AUTS2: variants seen among roughly 807,000 people sequenced by gnomAD.
AUTS2 encodes the protein activator of transcription and developmental regulator AUTS2.
In AUTS2, 17 loss-of-function variants were observed where a neutral mutation model predicts 112.4. The ratio of observed to expected loss-of-function variants is 0.15; its 90% CI spans 0.10 to 0.23. AUTS2 has a LOEUF of 0.23. Ranked by LOEUF, AUTS2 falls within the 10% of genes least tolerant of loss-of-function variation. AUTS2 has a pLI of 1.00. For missense variants in AUTS2, 1,510 were observed against 1,701.6 expected (o/e 0.89, Z 1.98); for synonymous variants, 751 against 702.7 (o/e 1.07, Z -1.09).
rs371018882 is a variant in AUTS2, at chr7:70,653,831, A to G, written c.691-44738A>G. Among the ~76,000 whole-genome samples the G allele has an allele frequency of 1.2e-4, 19 of 152,314 alleles. No homozygotes were observed. In the South Asian group the frequency reaches 3.7e-3, roughly 30 times the overall value. ...GTGTTGGGCTCATGGGGACATTGTA[A>G]TCAGTTGTAAGCGGGTTGAAGTGAT... On this transcript the variant is annotated intron_variant, in intron 5 of 18. Coordinates refer to ENST00000342771, the MANE Select transcript of AUTS2 (RefSeq NM_015570.4).
At chr7:70,024,698 G>T (rs890464324) in intron 2 of AUTS2, among the ~76,000 whole-genome samples, 1 of 152,050 alleles carries the variant, frequency 6.6e-6, no homozygotes, top group Non-Finnish European at 1.5e-5. Context: ...ACTTGATTGT[G>T]GGGGGCTGGC....
chr7:70,684,286 T>C (rs773071811), intron 5 of AUTS2, among the ~76,000 whole-genome samples: 2 of 152,212 alleles, frequency 1.3e-5, no homozygotes, highest in Non-Finnish European at 2.9e-5. Flanking sequence ...AACATGCGGT[T>C]GGCCACCATT....
At chr7:70,503,207 A>G (rs776934517) in intron 5 of AUTS2, among the ~76,000 whole-genome samples, 3 of 152,100 alleles carry the variant, frequency 2.0e-5, no homozygotes, top group Non-Finnish European at 4.4e-5. Flanking sequence ...TTTGTCCCCA[A>G]AAGAGGCACC....
intron 1 of AUTS2, among the ~76,000 whole-genome samples, chr7:69,798,833 A>G (rs1252715284): frequency 6.6e-6 from 1 of 152,030 alleles, no homozygotes; most frequent in Non-Finnish European, 1.5e-5. Context: ...TCTACAAAAA[A>G]TTAAAATTTT....
At chr7:69,763,530 ACCTGG>A (rs1389985051) in intron 1 of AUTS2, among the ~76,000 whole-genome samples, 1 of 152,090 alleles carries the variant, frequency 6.6e-6, no homozygotes, top group Non-Finnish European at 1.5e-5. Context: ...GACTACTCCC[ACCTGG>A]CCATCATATC....
rs778369039 is a variant in AUTS2, at chr7:70,771,585, C to A, written c.1771C>A (p.Pro591Thr). 3.1e-6 allele frequency: 5 copies of A among 1,613,434 alleles called. 1 individual carries two copies. The South Asian group carries it at 5.5e-5, about 18-fold the overall frequency. Residue 591 changes from proline (P) to threonine (T), a missense_variant, in exon 11 of 19, where the codon CCC (proline) becomes ACC (threonine). By Grantham distance (38) the Pro-to-Thr change is conservative. Around this residue, in one of 3 missense-constraint regions of AUTS2, gnomAD observed 187 missense variants for 309.7 expected, o/e 0.60. Coordinates refer to ENST00000342771, the MANE Select transcript of AUTS2 (RefSeq NM_015570.4). ...CTATCCTCCTGCAGTGTCGGGCATC[C>A]CCCCTATGATCCCACCCACTGGCCC... ...HSYPPAVSGI[P>T]PMIPPTGPFG...
intron 4 of AUTS2, among the ~76,000 whole-genome samples, chr7:70,355,842 T>G (rs1185811658): frequency 6.6e-6 from 1 of 152,208 alleles, no homozygotes; most frequent in Non-Finnish European, 1.5e-5. Flanking sequence ...AATCATGTGC[T>G]TCTGGAACCA....
intron 4 of AUTS2, among the ~76,000 whole-genome samples, chr7:70,183,583 A>C (rs1343471097): frequency 6.6e-6 from 1 of 152,224 alleles, no homozygotes; most frequent in Non-Finnish European, 1.5e-5. Context: ...GGACAGGGCT[A>C]TCAGCCCTGC....
At chr7:70,701,547 G>A (rs1413620662) in intron 6 of AUTS2, among the ~76,000 whole-genome samples, 1 of 152,154 alleles carries the variant, frequency 6.6e-6, no homozygotes, top group Non-Finnish European at 1.5e-5. Flanking sequence ...TGTTATAGAT[G>A]CCATCCAGTT....
intron 4 of AUTS2, chr7:70,292,262 G>A (rs1053360173): frequency 1.3e-5 from 2 of 152,350 alleles, no homozygotes; most frequent in South Asian, 2.1e-4. Context: ...GTTCCGACAC[G>A]TGGTTACCCA....
At chr7:70,573,342 C>T (rs1458419836) in intron 5 of AUTS2, among the ~76,000 whole-genome samples, 1 of 152,220 alleles carries the variant, frequency 6.6e-6, no homozygotes, top group Non-Finnish European at 1.5e-5. Context: ...TTCTGAAGAA[C>T]TCCTCTATTT....
chr7:69,699,021 T>A (rs138900842), intron 1 of AUTS2, among the ~76,000 whole-genome samples: 167 of 152,322 alleles, frequency 1.1e-3, no homozygotes, highest in Middle Eastern at 0.01. Context: ...CATATTAAAT[T>A]GGTGTTTATC....
intron 4 of AUTS2, among the ~76,000 whole-genome samples, chr7:70,283,341 A>T (rs969224195): frequency 2.6e-5 from 4 of 152,172 alleles, no homozygotes; most frequent in Admixed American, 2.6e-4. Context: ...TGTGGTAATA[A>T]AACCATATTT....
chr7:70,675,288 T>C (rs1250556498), intron 5 of AUTS2, among the ~76,000 whole-genome samples: 1 of 151,666 alleles, frequency 6.6e-6, no homozygotes, highest in Non-Finnish European at 1.5e-5. Flanking sequence ...AGATCAGGAG[T>C]TTGAGACCAG....
intron 4 of AUTS2, among the ~76,000 whole-genome samples, chr7:70,197,261 CCACACACACACA>C (rs10618080): frequency 6.7e-6 from 1 of 149,124 alleles, no homozygotes; most frequent in African/African-American, 2.5e-5. Flanking sequence ...AATTCTTAGT[CCACACACACACA>C]CACACACACA....
chr7:69,753,068 C>T (rs982459715), intron 1 of AUTS2, among the ~76,000 whole-genome samples: 3 of 152,128 alleles, frequency 2.0e-5, no homozygotes, highest in African/African-American at 7.2e-5. Context: ...TGGCCTAGGG[C>T]AAGTCACTGA....
chr7:70,726,614 T>C (rs1787047428), intron 6 of AUTS2, among the ~76,000 whole-genome samples: 1 of 152,156 alleles, frequency 6.6e-6, no homozygotes, highest in Non-Finnish European at 1.5e-5. Context: ...CTTCTATAAT[T>C]CTGTATCCCA....
intron 5 of AUTS2, among the ~76,000 whole-genome samples, chr7:70,556,014 G>T (rs1450178103): frequency 6.6e-6 from 1 of 152,106 alleles, no homozygotes; most frequent in Non-Finnish European, 1.5e-5. Context: ...CACCTTGTTA[G>T]CCAGGATGGT....
At position 70,790,926 on chromosome 7, in the gene AUTS2, C is replaced by G. The variant is rs1012077245; in HGVS notation, c.3710C>G (p.Thr1237Arg). The change falls in exon 19 of 19, where the codon ACG (threonine) becomes AGG (arginine). Residue 1237 changes from threonine (T) to arginine (R), a missense_variant. By Grantham distance (71) the Thr-to-Arg change is moderately conservative. Around this residue, in one of 3 missense-constraint regions of AUTS2, gnomAD observed 788 missense variants for 797.6 expected, o/e 0.99. Transcript: ENST00000342771. The surrounding 1 kb of genome is among the most constrained non-coding windows in gnomAD (Gnocchi z 7.6). ...LGGRPVSPRRTTPLSAEIRER... is the reference protein window; with the variant it reads ...LGGRPVSPRRRTPLSAEIRER... The stretch of plus-strand genomic sequence containing the variant: ...GGCCGCCCGGTCTCTCCCAGAAGGA[C>G]GACTCCTCTGTCCGCAGAGATAAGG... 6.4e-6 allele frequency: 10 copies of G among 1,561,622 alleles called. No individual in the cohort carries two copies. The highest frequency in any genetic ancestry group is 7.8e-6 in the Non-Finnish European group (9 of 1,155,212).
Sources: allele counts gnomAD v4.1 joint callset (sites outside exome capture counted in the v4.1 genomes callset), GRCh38; gene constraint gnomAD v4.1.1; regional missense constraint gnomAD v4.1.1; non-coding constraint Gnocchi (gnomAD v3.1); transcripts MANE v1.5; gene names NCBI Gene and HGNC (gene_info 2026-07-23, HGNC 2026-07-21).